The following UBR3 variants were observed in gnomAD, a reference collection of about 807,000 sequenced individuals.
UBR3 encodes the protein ubiquitin protein ligase E3 component n-recognin 3.
Under a neutral mutation model 243.2 loss-of-function variants are expected in UBR3, and 85 were observed. That is an observed-to-expected ratio of 0.35 (90% CI 0.29 to 0.42). The LOEUF is 0.42. UBR3 is among the 10% of genes least tolerant of loss of function. The probability of loss-of-function intolerance (pLI) is 1.00; values close to 1 mark genes in which losing one functional copy is unlikely to be tolerated. For missense variants in UBR3, 1,686 were observed against 2,300.8 expected (o/e 0.73, Z 5.47); for synonymous variants, 748 against 799.8 (o/e 0.94, Z 1.09).
intron 25 of UBR3, 116 bp downstream of exon 25, chr2:169,986,910 G>T: frequency 8.9e-7 from 1 of 1,128,124 alleles, no homozygotes; most frequent in Non-Finnish European, 1.2e-6. Context: ...AACTAGGCAA[G>T]GGTCAGTTTA....
Position 169,926,867 on chromosome 2 carries a change from C to T in UBR3, c.2234C>T (p.Ala745Val), listed in dbSNP as rs1216841818. 1 of 1,549,636 alleles carries T rather than the reference C, an allele frequency of 6.5e-7. No homozygotes were observed. Among genetic ancestry groups the T allele is most frequent in the Non-Finnish European group, 8.7e-7 (1 of 1,145,576 alleles). Residue 745 changes from alanine to valine, a missense_variant, in exon 16 of 39, where the codon GCA becomes GTA. Ala to Val is a moderately conservative substitution (Grantham distance 64, BLOSUM62 0). This residue lies in a region of UBR3 where 346 missense variants were observed against 585.8 expected (regional missense o/e 0.59). Coordinates refer to ENST00000272793, the MANE Select transcript of UBR3 (RefSeq NM_172070.4). Reference protein sequence around the residue: ...RFKVVDLLTMASQHQNTVLDA... With the variant: ...RFKVVDLLTMVSQHQNTVLDA... ...AAGGTAGTGGATTTGTTGACAATGG[C>T]ATCACAACATCAAAATACAGTACTT...
At chr2:169,980,811 C>T (rs1304354892) in intron 24 of UBR3, among the ~76,000 whole-genome samples, 5 of 138,936 alleles carry the variant, frequency 3.6e-5, no homozygotes, top group Non-Finnish European at 7.7e-5. Context: ...GTCCCCTCCT[C>T]CCTTGCTGAA....
chr2:169,887,139 T>C (rs941670494), intron 5 of UBR3, among the ~76,000 whole-genome samples: 2 of 152,156 alleles, frequency 1.3e-5, no homozygotes, highest in African/African-American at 4.8e-5. Flanking sequence ...TTTGAATCTG[T>C]TTTTCTTGGA....
intron 27 of UBR3, 119 bp downstream of exon 27, chr2:170,001,533 A>G: frequency 1.6e-6 from 1 of 629,516 alleles, no homozygotes; most frequent in Non-Finnish European, 2.8e-6. Context: ...TCATCGTATA[A>G]ACTATCCAGT....
At chr2:170,066,951 G>A (rs998648271) in intron 35 of UBR3, among the ~76,000 whole-genome samples, 1 of 67,540 alleles carries the variant, frequency 1.5e-5, no homozygotes, top group Non-Finnish European at 4.4e-5. Flanking sequence ...GCGACAGAGC[G>A]AGACTCCGTC....
At chr2:170,041,451 CTT>C (rs1290229874) in intron 32 of UBR3, among the ~76,000 whole-genome samples, 1 of 152,122 alleles carries the variant, frequency 6.6e-6, no homozygotes, top group African/African-American at 2.4e-5. Flanking sequence ...GCCTTAGTGC[CTT>C]TATCTATGTG....
chr2:169,896,784 T>A (rs2084608342), intron 8 of UBR3, 49 bp downstream of exon 8: 2 of 1,325,710 alleles, frequency 1.5e-6, no homozygotes, highest in African/African-American at 2.9e-5. Context: ...GTATTATTAT[T>A]CTAGTATTAT....
chr2:169,869,992 GT>G (rs1232991466), intron 1 of UBR3, among the ~76,000 whole-genome samples: 4 of 151,794 alleles, frequency 2.6e-5, no homozygotes, highest in Admixed American at 6.6e-5. Context: ...TACATAGTCA[GT>G]TTTTTTTCTT....
intron 26 of UBR3, among the ~76,000 whole-genome samples, chr2:169,997,288 G>T (rs115060575): frequency 2.0e-5 from 3 of 152,094 alleles, no homozygotes; most frequent in Non-Finnish European, 4.4e-5. Flanking sequence ...CGCTCAACTC[G>T]CTCCCCAGCC....
chr2:169,972,183 C>T (rs1024449574), intron 24 of UBR3, among the ~76,000 whole-genome samples: 7 of 152,112 alleles, frequency 4.6e-5, no homozygotes, highest in Non-Finnish European at 8.8e-5. Context: ...ATAAATTCCT[C>T]GACACATACA....
At chr2:169,923,328 T>C (rs2085778411) in intron 11 of UBR3, among the ~76,000 whole-genome samples, 1 of 152,146 alleles carries the variant, frequency 6.6e-6, no homozygotes, top group Admixed American at 6.5e-5. Flanking sequence ...AATATGACAG[T>C]GGAGTCCAGA....
At chr2:169,881,371 G>A (rs1334723397) in intron 5 of UBR3, among the ~76,000 whole-genome samples, 5 of 151,830 alleles carry the variant, frequency 3.3e-5, no homozygotes, top group African/African-American at 1.2e-4. Flanking sequence ...TAAAGATGGG[G>A]TTTCTCCATA....
At chr2:169,867,979 T>C (rs553786802) in intron 1 of UBR3, among the ~76,000 whole-genome samples, 2 of 152,334 alleles carry the variant, frequency 1.3e-5, no homozygotes, top group South Asian at 4.1e-4. Flanking sequence ...TTAAAACATA[T>C]ATAAAAGCAG....
intron 1 of UBR3, among the ~76,000 whole-genome samples, chr2:169,832,363 A>T (rs930284520): frequency 6.6e-6 from 1 of 151,360 alleles, no homozygotes; most frequent in African/African-American, 2.4e-5. Context: ...ATCCTGGCTA[A>T]CATGGTGAAA....
intron 35 of UBR3, among the ~76,000 whole-genome samples, chr2:170,062,854 C>G (rs1387502077): frequency 6.6e-6 from 1 of 152,142 alleles, no homozygotes; most frequent in Non-Finnish European, 1.5e-5. Context: ...ACAGTGATGC[C>G]TGTAGTGGAA....
chr2:169,851,675 C>A (rs2082661755), intron 1 of UBR3, among the ~76,000 whole-genome samples: 1 of 151,894 alleles, frequency 6.6e-6, no homozygotes, highest in South Asian at 2.1e-4. Flanking sequence ...ACCATCTTGG[C>A]CAACATGGTG....
chr2:169,922,743 C>T (rs955413549), intron 11 of UBR3, among the ~76,000 whole-genome samples: 1 of 151,626 alleles, frequency 6.6e-6, no homozygotes, highest in Non-Finnish European at 1.5e-5. Flanking sequence ...CATAATATCC[C>T]GAAGGTTTAT....
chr2:169,838,605 T>A (rs1249720815), intron 1 of UBR3, among the ~76,000 whole-genome samples: 4 of 152,140 alleles, frequency 2.6e-5, no homozygotes, highest in Non-Finnish European at 4.4e-5. Context: ...CAGTGGAGAT[T>A]AAGTTTCAAT....
intron 1 of UBR3, among the ~76,000 whole-genome samples, chr2:169,843,112 C>A (rs1204954517): frequency 6.6e-6 from 1 of 152,184 alleles, no homozygotes; most frequent in Admixed American, 6.5e-5. Flanking sequence ...TTACCCAGTT[C>A]AAAAGCCACT....
Sources: allele counts gnomAD v4.1 joint callset (sites outside exome capture counted in the v4.1 genomes callset), GRCh38; gene constraint gnomAD v4.1.1; regional missense constraint gnomAD v4.1.1; transcripts MANE v1.5; gene names NCBI Gene and HGNC (gene_info 2026-07-23, HGNC 2026-07-21).